The following SBF2 variants were observed in gnomAD, a reference collection of about 807,000 sequenced individuals.
SBF2 encodes SET binding factor 2, also known as myotubularin-related protein 13.
In SBF2, 112 loss-of-function variants were observed where a neutral mutation model predicts 225.2. That is an observed-to-expected ratio of 0.50 (90% CI 0.43 to 0.58). SBF2 has a LOEUF of 0.58. SBF2 is among the 20% of genes least tolerant of loss of function. The pLI is 0.00. For synonymous variants in SBF2, 763 were observed against 773.3 expected, an observed-to-expected ratio of 0.99 and a Z score of 0.22; for missense variants, 1,996 against 2,206.2, an observed-to-expected ratio of 0.90 and a Z score of 1.91.
intron 2 of SBF2, among the ~76,000 whole-genome samples, chr11:10,167,888 C>T (rs1396505810): frequency 9.2e-5 from 14 of 152,130 alleles, no homozygotes; most frequent in Admixed American, 7.2e-4. Flanking sequence ...TGTGGTGGCA[C>T]GTGCCTGTAA....
At chr11:9,809,144 C>T in intron 30 of SBF2, 142 bp from the exon 31 acceptor site, 1 of 637,760 alleles carries the variant, frequency 1.6e-6, no homozygotes. Context: ...TTTTAAATAC[C>T]TAAAGTTCTT....
intron 2 of SBF2, among the ~76,000 whole-genome samples, chr11:10,078,432 T>C (rs925809457): frequency 5.3e-5 from 8 of 152,154 alleles, no homozygotes; most frequent in African/African-American, 1.9e-4. Flanking sequence ...ATATACACCA[T>C]GGAATACTAT....
At chr11:10,000,501 C>A (rs1450371795) in intron 8 of SBF2, among the ~76,000 whole-genome samples, 1 of 152,166 alleles carries the variant, frequency 6.6e-6, no homozygotes, top group Non-Finnish European at 1.5e-5. Context: ...TACCAAACTT[C>A]TGTTCCACTA....
At chr11:10,084,799 G>C (rs1327406402) in intron 2 of SBF2, among the ~76,000 whole-genome samples, 1 of 152,204 alleles carries the variant, frequency 6.6e-6, no homozygotes, top group Non-Finnish European at 1.5e-5. Flanking sequence ...GATGGAACTG[G>C]AGGCTGTTAT....
At chr11:9,931,046 G>T (rs1017537376) in intron 16 of SBF2, among the ~76,000 whole-genome samples, 1 of 152,250 alleles carries the variant, frequency 6.6e-6, no homozygotes, top group African/African-American at 2.4e-5. Context: ...CAGCCTGGCT[G>T]GGGGAGGGGC....
chr11:10,092,500 T>C (rs1476580731), intron 2 of SBF2, among the ~76,000 whole-genome samples: 2 of 152,204 alleles, frequency 1.3e-5, no homozygotes, highest in Non-Finnish European at 2.9e-5. Context: ...GATTTTCCCA[T>C]ACGATTATCA....
At chr11:9,892,708 C>T (rs922261689) in intron 17 of SBF2, among the ~76,000 whole-genome samples, 4 of 151,874 alleles carry the variant, frequency 2.6e-5, no homozygotes, top group South Asian at 2.1e-4. Flanking sequence ...TACAGGCATA[C>T]GCCACCACGC....
At chr11:10,264,909 A>G (rs1961822501) in intron 1 of SBF2, among the ~76,000 whole-genome samples, 1 of 152,086 alleles carries the variant, frequency 6.6e-6, no homozygotes. Context: ...AAGGACATGA[A>G]CCCAACCTTT....
At chr11:10,105,113 G>A (rs1952491827) in intron 2 of SBF2, among the ~76,000 whole-genome samples, 1 of 152,146 alleles carries the variant, frequency 6.6e-6, no homozygotes, top group African/African-American at 2.4e-5. Flanking sequence ...TAGTTGGAAA[G>A]TATTCCTCCT....
Position 9,989,507 on chromosome 11 carries a change from A to G in SBF2, c.1385T>C (p.Leu462Pro). Residue 462 changes from leucine to proline, a missense_variant, in exon 13 of 40, where the codon CTA becomes CCA. Physicochemically the swap from Leu to Pro is moderately conservative, Grantham distance 98. Coordinates refer to ENST00000256190, the MANE Select transcript of SBF2 (RefSeq NM_030962.4). ...IKHVRELAEQ[L>P]FKNENPNPHM... ...AATATACTTACTTACATTTTTGAATAGTTGCTCAGCAAGTTCCCTGACATG... is the reference window on the plus strand; with the variant it reads ...AATATACTTACTTACATTTTTGAATGGTTGCTCAGCAAGTTCCCTGACATG... 1 of 1,577,460 alleles carries G rather than the reference A, an allele frequency of 6.3e-7. No homozygotes were observed.
chr11:10,078,857 C>T (rs749169003), intron 2 of SBF2, among the ~76,000 whole-genome samples: 17 of 152,148 alleles, frequency 1.1e-4, no homozygotes, highest in Non-Finnish European at 2.2e-4. Context: ...ACCAACACCA[C>T]ACCCTGGCTA....
intron 2 of SBF2, among the ~76,000 whole-genome samples, chr11:10,168,352 T>G (rs536768627): frequency 6.6e-6 from 1 of 152,360 alleles, no homozygotes; most frequent in East Asian, 1.9e-4. Flanking sequence ...CAAAAAAGGT[T>G]GTTTTTCTCT....
At chr11:10,104,248 G>C (rs1952454057) in intron 2 of SBF2, among the ~76,000 whole-genome samples, 1 of 152,064 alleles carries the variant, frequency 6.6e-6, no homozygotes, top group African/African-American at 2.4e-5. Context: ...CCTAAAACAC[G>C]ATCTATCCTG....
chr11:9,889,180 G>A (rs2134112612), intron 17 of SBF2, among the ~76,000 whole-genome samples: 1 of 152,294 alleles, frequency 6.6e-6, no homozygotes, highest in East Asian at 1.9e-4. Flanking sequence ...GTGACTCTCT[G>A]CACTTTAATG....
chr11:9,854,963 G>A (rs1421817173), intron 19 of SBF2, among the ~76,000 whole-genome samples: 1 of 152,190 alleles, frequency 6.6e-6, no homozygotes, highest in Non-Finnish European at 1.5e-5. Flanking sequence ...TGGCAATGGA[G>A]AATGGAGATA....
At chr11:9,940,907 T>A (rs1171218168) in intron 16 of SBF2, among the ~76,000 whole-genome samples, 1 of 152,078 alleles carries the variant, frequency 6.6e-6, no homozygotes, top group Non-Finnish European at 1.5e-5. Context: ...TGGACAAAAC[T>A]AATTTTAAAA....
At chr11:10,110,164 A>G (rs1021769805) in intron 2 of SBF2, among the ~76,000 whole-genome samples, 1 of 152,214 alleles carries the variant, frequency 6.6e-6, no homozygotes, top group African/African-American at 2.4e-5. Context: ...TTAAAAATAC[A>G]CTAGATAAAA....
intron 6 of SBF2, among the ~76,000 whole-genome samples, chr11:10,014,895 T>C (rs902094396): frequency 6.6e-6 from 1 of 152,048 alleles, no homozygotes; most frequent in Non-Finnish European, 1.5e-5. Context: ...TTTGGGAGGC[T>C]GAGGTAGGTA....
chr11:10,261,513 C>T (rs763161848), intron 1 of SBF2, among the ~76,000 whole-genome samples: 1 of 152,174 alleles, frequency 6.6e-6, no homozygotes, highest in Admixed American at 6.5e-5. Flanking sequence ...AACTGCAATT[C>T]TCATACATTG....
Sources: gnomAD v4.1 joint callset for allele counts (sites outside exome capture counted in the v4.1 genomes callset) on GRCh38, gnomAD v4.1.1 for gene constraint, MANE v1.5 for transcripts, NCBI Gene and HGNC (gene_info 2026-07-23, HGNC 2026-07-21) for gene names.